Variants in TMEM33 observed in about 807,000 individuals in gnomAD.
The protein encoded by TMEM33 is transmembrane protein 33.
Under a neutral mutation model 29.7 loss-of-function variants are expected in TMEM33, and 16 were observed. The ratio of observed to expected loss-of-function variants is 0.54; its 90% CI spans 0.36 to 0.82. The LOEUF (loss-of-function observed/expected upper bound fraction) is 0.82, where lower values mean the gene tolerates loss of function less well. TMEM33 is among the 40% of genes least tolerant of loss of function. TMEM33 has a pLI of 0.00. For missense variants in TMEM33, 252 were observed against 295.3 expected, an observed-to-expected ratio of 0.85 and a Z score of 1.08; for synonymous variants, 112 against 109.4, an observed-to-expected ratio of 1.02 and a Z score of -0.15.
chr4:41,955,324 G>A lies in TMEM33; in HGVS notation c.*1125G>A, dbSNP rs1040541138. ...ATAGATAAATTTAGGGGAATTGGAT[G>A]TATTATTCAACTTTGATTTGGGTTG... is the stretch of plus-strand genomic sequence containing the variant. On this transcript the variant is annotated 3_prime_UTR_variant, in exon 7 of 7. Transcript: ENST00000504986. 5 of 152,426 alleles carry A rather than the reference G, an allele frequency of 3.3e-5. No individual in the cohort carries two copies. The highest frequency in any genetic ancestry group is 9.7e-5 in the African/African-American group (4 of 41,424). 9.4% of individuals were successfully genotyped at this position (152,426 alleles called of 1,614,324 possible). A position where few individuals can be genotyped will look rare whatever the true frequency, so the allele number is the denominator to read the frequency against.
At chr4:41,941,981 A>G (rs1450305279) in intron 3 of TMEM33, among the ~76,000 whole-genome samples, 1 of 152,224 alleles carries the variant, frequency 6.6e-6, no homozygotes, top group Non-Finnish European at 1.5e-5. Flanking sequence ...ACTCATTGGC[A>G]GTTTCTAGCT....
chr4:41,938,576 T>C, intron 1 of TMEM33, 26 bp from the exon 2 acceptor site: 1 of 1,599,180 alleles, frequency 6.3e-7, no homozygotes, highest in South Asian at 1.1e-5. Context: ...AGGCATAGCT[T>C]ACAGTATTTT....
At chr4:41,952,994 G>C (rs1713107896) in intron 6 of TMEM33, among the ~76,000 whole-genome samples, 1 of 151,902 alleles carries the variant, frequency 6.6e-6, no homozygotes, top group African/African-American at 2.4e-5. Context: ...AGTTGAAATT[G>C]CCTAAGTTAA....
Position 41,954,366 on chromosome 4 carries a change from A to G in TMEM33, c.*167A>G, listed in dbSNP as rs1202367235. 1 of 842,598 alleles carries G rather than the reference A, an allele frequency of 1.2e-6. No individual in the cohort carries two copies. Among genetic ancestry groups the G allele is most frequent in the Non-Finnish European group, 1.7e-6 (1 of 588,730 alleles). 52.2% of individuals were successfully genotyped at this position (842,598 alleles called of 1,614,324 possible). The stretch of plus-strand genomic sequence containing the variant: ...ATCATTTTCTTGGCATGTTAAATCA[A>G]GCTTAAAAAGTTTTGAGAAAATTTT... On this transcript the variant is annotated 3_prime_UTR_variant, in exon 7 of 7. Transcript: ENST00000504986.
chr4:41,935,387 G>C, upstream of TMEM33: 1 of 1,336,852 alleles, frequency 7.5e-7, no homozygotes, highest in Non-Finnish European at 1.0e-6. Flanking sequence ...GCGAGGCAGG[G>C]AAGCCGGTAC....
intron 4 of TMEM33, chr4:41,944,062 T>C (rs1435645941): frequency 1.5e-5 from 7 of 452,696 alleles, no homozygotes; most frequent in Non-Finnish European, 2.7e-5. Context: ...ATTTTTCAAG[T>C]TTGAAATAGA....
In TMEM33 at chr4:41,954,280, T is replaced by G; in HGVS notation, c.*81T>G. ...TCTGCTAGGGGTTGTAAATTCCAGG[T>G]GTTACACTGACCTCAATCCAATTTA... On this transcript the variant is annotated 3_prime_UTR_variant, in exon 7 of 7. Transcript: ENST00000504986. The G allele has an allele frequency of 6.9e-7, 1 of 1,445,328 alleles. No individual in the cohort carries two copies. Among genetic ancestry groups the G allele is most frequent in the Non-Finnish European group, 9.4e-7 (1 of 1,063,066 alleles). 89.5% of individuals were successfully genotyped at this position (1,445,328 alleles called of 1,614,324 possible).
chr4:41,944,038 C>T (rs1338811182), intron 4 of TMEM33: 2 of 484,244 alleles, frequency 4.1e-6, no homozygotes, highest in South Asian at 2.9e-5. Context: ...AATCACCCCC[C>T]AGTCTCCAGG....
At chr4:41,940,807 CAAAAAAAAAAAAA>C (rs11390153) in intron 3 of TMEM33, among the ~76,000 whole-genome samples, 17 of 53,276 alleles carry the variant, frequency 3.2e-4, no homozygotes, top group Non-Finnish European at 6.7e-4. Flanking sequence ...GACTCCTTCT[CAAAAAAAAAAAAA>C]AAAAAAAAAA....
At chr4:41,944,952 G>A (rs1202702142) in intron 5 of TMEM33, 26 bp downstream of exon 5, 1 of 1,605,986 alleles carries the variant, frequency 6.2e-7, no homozygotes. Flanking sequence ...ATTTGTTTTG[G>A]GAGGCTGATG....
intron 5 of TMEM33, among the ~76,000 whole-genome samples, chr4:41,948,269 T>C (rs544736315): frequency 4.6e-5 from 7 of 152,182 alleles, no homozygotes; most frequent in African/African-American, 1.7e-4. Context: ...GAAGGACATA[T>C]TCGAGATTGT....
At chr4:41,937,244 C>T (rs896893577) in intron 1 of TMEM33, among the ~76,000 whole-genome samples, 1 of 152,214 alleles carries the variant, frequency 6.6e-6, no homozygotes. Context: ...CTAAAACTAA[C>T]TTTCAAGCTG....
rs1713156166 is a variant in TMEM33 at position 41,954,058 on chromosome 4, T to A, written c.615-12T>A. 2.3e-5 allele frequency: 37 copies of A among 1,611,930 alleles called. No homozygotes were observed. The highest frequency in any genetic ancestry group is 3.1e-5 in the Non-Finnish European group (37 of 1,178,672). On this transcript the variant is annotated splice_polypyrimidine_tract_variant and intron_variant, in intron 6 of 6. Transcript: ENST00000504986. ...CCTTGTGTTTCTCAAAGAAAACTATTTTGTCTTGCAGGACCTTATTTAATG... is the reference window on the plus strand; with the variant it reads ...CCTTGTGTTTCTCAAAGAAAACTATATTGTCTTGCAGGACCTTATTTAATG...
chr4:41,939,820 T>G (rs1040470865), intron 3 of TMEM33: 3 of 456,268 alleles, frequency 6.6e-6, no homozygotes, highest in Non-Finnish European at 1.3e-5. Context: ...AAACAACTTA[T>G]TTAAGCAGGT....
intron 5 of TMEM33, among the ~76,000 whole-genome samples, chr4:41,947,010 G>C (rs142686218): frequency 6.6e-6 from 1 of 152,144 alleles, no homozygotes; most frequent in African/African-American, 2.4e-5. Context: ...AGCCAAAGCT[G>C]GCAGAGCATG....
At chr4:41,952,603 A>C (rs1046778419) in intron 6 of TMEM33, among the ~76,000 whole-genome samples, 2 of 152,224 alleles carry the variant, frequency 1.3e-5, no homozygotes, top group African/African-American at 4.8e-5. Flanking sequence ...GGTTTTGGGC[A>C]CAAACATGCA....
rs186208103 is a variant in TMEM33 at position 41,954,250 on chromosome 4, G to A, written c.*51G>A. 140 of 1,586,022 alleles carry A rather than the reference G, an allele frequency of 8.8e-5. No individual in the cohort carries two copies. Among genetic ancestry groups the A allele is most frequent in the Non-Finnish European group, 2.9e-5 (34 of 1,160,808 alleles). ...ATAGTATAAGCATTATTAGCAGCTG[G>A]TACTTCTGCTAGGGGTTGTAAATTC... On this transcript the variant is annotated 3_prime_UTR_variant, in exon 7 of 7. Coordinates refer to ENST00000504986, the MANE Select transcript of TMEM33 (RefSeq NM_018126.3).
intron 6 of TMEM33, 49 bp downstream of exon 6, chr4:41,949,434 G>A: frequency 7.1e-7 from 1 of 1,417,490 alleles, no homozygotes; most frequent in Non-Finnish European, 9.8e-7. Flanking sequence ...AGAGTATTGT[G>A]AATATATAGT....
Position 41,939,233 on chromosome 4 carries a change from C to T in TMEM33, c.178C>T (p.Leu60=). 1 of 1,603,770 alleles carries T rather than the reference C, an allele frequency of 6.2e-7. No individual in the cohort carries two copies. Among genetic ancestry groups the T allele is most frequent in the Non-Finnish European group, 8.5e-7 (1 of 1,177,258 alleles). Residue 60 remains leucine, a synonymous_variant, in exon 3 of 7, where the codon CTG becomes TTG. Coordinates refer to ENST00000504986, the MANE Select transcript of TMEM33 (RefSeq NM_018126.3). The part of the protein sequence containing the change: ...EAASFYQRAL[L]ANALTSALRL... ...AGCAAGCTTTTACCAACGTGCTTTG[C>T]TGGCAAATGCTCTTACCAGTGCTCT...
Sources: gnomAD v4.1 joint callset for allele counts (sites outside exome capture counted in the v4.1 genomes callset) on GRCh38, gnomAD v4.1.1 for gene constraint, MANE v1.5 for transcripts, NCBI Gene and HGNC (gene_info 2026-07-23, HGNC 2026-07-21) for gene names.